The following VCAN variants were observed in gnomAD, a reference collection of about 807,000 sequenced individuals.
The protein encoded by VCAN is versican core protein.
In VCAN, 44 loss-of-function variants were observed where a neutral mutation model predicts 245.5. The ratio of observed to expected loss-of-function variants is 0.18; its 90% CI spans 0.14 to 0.23. The LOEUF (loss-of-function observed/expected upper bound fraction) is 0.23. Ranked by LOEUF, VCAN falls within the 10% of genes least tolerant of loss-of-function variation. The pLI is 1.00. For synonymous variants in VCAN, 1,413 were observed against 1,437.0 expected (o/e 0.98, Z 0.38); for missense variants, 3,793 against 4,057.9 (o/e 0.93, Z 1.77).
intron 1 of VCAN, among the ~76,000 whole-genome samples, chr5:83,474,910 C>G (rs1009530479): frequency 1.4e-4 from 22 of 152,216 alleles, no homozygotes; most frequent in East Asian, 3.9e-4. Flanking sequence ...GGGCATCGTG[C>G]TTTTGTTTTG....
chr5:83,562,196 CA>C (rs1174857144), intron 12 of VCAN: 3 of 152,062 alleles, frequency 2.0e-5, no homozygotes, highest in Admixed American at 6.6e-5. Context: ...TGTATTAATC[CA>C]AAAGCCAAGG....
chr5:83,572,584 G>T (rs1580079287), intron 13 of VCAN, 24 bp downstream of exon 13: 3 of 1,613,062 alleles, frequency 1.9e-6, no homozygotes, highest in Non-Finnish European at 2.5e-6. Context: ...TGTTAATAAT[G>T]TGTACTTAAT....
At chr5:83,482,418 A>G (rs144347637) in intron 1 of VCAN, among the ~76,000 whole-genome samples, 2 of 152,314 alleles carry the variant, frequency 1.3e-5, no homozygotes, top group African/African-American at 2.4e-5. Flanking sequence ...TGGTACCTCT[A>G]TAATTGACTT....
At chr5:83,550,294 C>T (rs1437843523) in intron 10 of VCAN, among the ~76,000 whole-genome samples, 2 of 152,194 alleles carry the variant, frequency 1.3e-5, no homozygotes, top group Non-Finnish European at 2.9e-5. Flanking sequence ...GCTGTGCACA[C>T]TACAAATCTG....
intron 7 of VCAN, among the ~76,000 whole-genome samples, chr5:83,529,914 T>C (rs906218553): frequency 6.6e-6 from 1 of 152,128 alleles, no homozygotes. Context: ...CAGGAAAATA[T>C]AGACTGTTTT....
intron 5 of VCAN, among the ~76,000 whole-genome samples, chr5:83,511,428 A>G (rs1745652729): frequency 6.6e-6 from 1 of 152,174 alleles, no homozygotes; most frequent in Admixed American, 6.5e-5. Context: ...GGCCTTCCCT[A>G]CACACTGGGC....
intron 13 of VCAN, among the ~76,000 whole-genome samples, chr5:83,572,981 A>C (rs893447796): frequency 6.6e-6 from 1 of 151,188 alleles, no homozygotes; most frequent in Non-Finnish European, 1.5e-5. Flanking sequence ...GCTCACGGCA[A>C]CCTCCGCCTC....
chr5:83,578,955 A>AT (rs942410332), intron 13 of VCAN, among the ~76,000 whole-genome samples: 2 of 152,114 alleles, frequency 1.3e-5, no homozygotes, highest in Non-Finnish European at 2.9e-5. Flanking sequence ...AAGCTTTTGG[A>AT]TTTTTTTAAA....
Position 83,580,877 on chromosome 5 carries a change from C to T in VCAN, c.*443C>T, listed in dbSNP as rs1748647794. ...TTATGGAGCCTTAGAGGTCTTTAAT[C>T]ATTGGTTCGGCTGCTTTTATGTAGT... is the stretch of plus-strand genomic sequence containing the variant. On this transcript the variant is annotated 3_prime_UTR_variant, in exon 15 of 15. Transcript: ENST00000265077. 4.5e-6 allele frequency: 1 copy of T among 220,384 alleles called. No homozygotes were observed. Among genetic ancestry groups the T allele is most frequent in the South Asian group, 6.7e-5 (1 of 14,878 alleles). The allele number at this position is 220,384 out of a possible 1,614,324, so 13.7% of individuals were successfully genotyped here.
intron 12 of VCAN, 65 bp from the exon 13 acceptor site, chr5:83,572,351 A>C (rs2112499134): frequency 7.9e-5 from 124 of 1,566,036 alleles, no homozygotes; most frequent in Middle Eastern, 3.3e-4. Context: ...GTGATATAAT[A>C]CCGTCGTTGC....
intron 12 of VCAN, among the ~76,000 whole-genome samples, chr5:83,571,859 A>G (rs1292261489): frequency 6.6e-6 from 1 of 152,202 alleles, no homozygotes; most frequent in Non-Finnish European, 1.5e-5. Flanking sequence ...AGATAAATAC[A>G]AAAGATAAAT....
chr5:83,474,064 T>C (rs1744295140), intron 1 of VCAN, among the ~76,000 whole-genome samples: 1 of 152,000 alleles, frequency 6.6e-6, no homozygotes, highest in Admixed American at 6.6e-5. Flanking sequence ...AGAAAGATAA[T>C]ACACATACCG....
intron 7 of VCAN, among the ~76,000 whole-genome samples, chr5:83,528,728 A>G (rs936717542): frequency 2.0e-5 from 3 of 152,122 alleles, no homozygotes; most frequent in South Asian, 2.1e-4. Flanking sequence ...AAAAGTGCCT[A>G]CACTCTAAAA....
At position 83,538,556 on chromosome 5, in the gene VCAN, A is replaced by G; in HGVS notation, c.5553A>G (p.Ser1851=). 6.2e-7 allele frequency: 1 copy of G among 1,613,980 alleles called. No individual in the cohort carries two copies. Among genetic ancestry groups the G allele is most frequent in the Non-Finnish European group, 8.5e-7 (1 of 1,179,960 alleles). ...ACCCAGAAACCACCACTGTTTCTTCATTTTCATTAAACGTAGAGTATGCAA... is the reference window on the plus strand; with the variant it reads ...ACCCAGAAACCACCACTGTTTCTTCGTTTTCATTAAACGTAGAGTATGCAA... ...AADPETTTVS[S]FSLNVEYAIQ... is the part of the protein sequence containing the mutation. Residue 1851 remains serine, a synonymous_variant, in exon 8 of 15, where the codon TCA becomes TCG. Transcript: ENST00000265077.
At chr5:83,532,975 C>T (rs1746577026) in intron 7 of VCAN, among the ~76,000 whole-genome samples, 1 of 152,004 alleles carries the variant, frequency 6.6e-6, no homozygotes, top group Admixed American at 6.6e-5. Context: ...TTCAGTTGCT[C>T]TTCTCACAAA....
chr5:83,519,653 G>T lies in VCAN; in HGVS notation c.1347G>T (p.Lys449Asn). Residue 449 changes from lysine to asparagine, a missense_variant, in exon 7 of 15, where the codon AAG becomes AAT. Around this residue, in one of 5 missense-constraint regions of VCAN, gnomAD observed 3,182 missense variants for 3,250.3 expected, o/e 0.98. Transcript: ENST00000265077. The part of the protein sequence containing the change: ...YSPSASGPLG[K>N]LDISEIKEEV... Reference sequence around the variant, plus strand: ...CTTCTGCTTCAGGACCTCTTGGAAAGCTAGACATATCAGAAATTAAGGAAG... The same window carrying T: ...CTTCTGCTTCAGGACCTCTTGGAAATCTAGACATATCAGAAATTAAGGAAG... The T allele has an allele frequency of 6.2e-7, 1 of 1,614,142 alleles. No individual in the cohort carries two copies. Among genetic ancestry groups the T allele is most frequent in the South Asian group, 1.1e-5 (1 of 91,088 alleles).
At chr5:83,553,243 A>G in intron 10 of VCAN, 121 bp from the exon 11 acceptor site, 1 of 1,329,074 alleles carries the variant, frequency 7.5e-7, no homozygotes, top group South Asian at 1.2e-5. Flanking sequence ...AATTTTATGA[A>G]TCAGTTACTT....
chr5:83,518,688 G>A (rs1241255603), intron 6 of VCAN, among the ~76,000 whole-genome samples: 1 of 152,198 alleles, frequency 6.6e-6, no homozygotes, highest in African/African-American at 2.4e-5. Flanking sequence ...GTTGAAAGAA[G>A]GATGAAGACA....
chr5:83,490,154 C>T lies in VCAN; in HGVS notation c.127C>T (p.Pro43Ser), dbSNP rs1221199398. ...CTCCCTCTCTGGAAAAGTCAGCCTACCTTGTCATTTTTCAACGATGCCTAC... is the reference window on the plus strand; with the variant it reads ...CTCCCTCTCTGGAAAAGTCAGCCTATCTTGTCATTTTTCAACGATGCCTAC... ...RGSLSGKVSL[P>S]CHFSTMPTLP... Residue 43 changes from proline (P) to serine (S), a missense_variant, in exon 3 of 15, where the codon CCT becomes TCT. Pro to Ser is a moderately conservative substitution (Grantham distance 74, BLOSUM62 -1). Transcript: ENST00000265077. 1.2e-6 allele frequency: 2 copies of T among 1,614,132 alleles called. No individual in the cohort carries two copies. Among genetic ancestry groups the T allele is most frequent in the Admixed American group, 1.7e-5 (1 of 60,016 alleles).
Sources: gnomAD v4.1 joint callset for allele counts (sites outside exome capture counted in the v4.1 genomes callset) on GRCh38, gnomAD v4.1.1 for gene constraint, gnomAD v4.1.1 regional missense constraint, MANE v1.5 for transcripts, NCBI Gene and HGNC (gene_info 2026-07-23, HGNC 2026-07-21) for gene names.